CPQ: variants seen among roughly 807,000 people sequenced by gnomAD.
The protein encoded by CPQ is carboxypeptidase Q.
CPQ carries 37 observed loss-of-function variants against 45.7 expected under a neutral mutation model. That is an observed-to-expected ratio of 0.81 (90% CI 0.62 to 1.07). CPQ has a LOEUF of 1.07. Among genes scored for constraint, CPQ ranks in the 50% least tolerant of loss-of-function variants. CPQ has a pLI of 0.00. For missense variants in CPQ, 537 were observed against 572.9 expected (o/e 0.94, Z 0.64); for synonymous variants, 186 against 205.8 (o/e 0.90, Z 0.82).
chr8:97,130,420 GTTTTTTTTTT>G (rs67911510), intron 7 of CPQ, among the ~76,000 whole-genome samples: 1 of 125,346 alleles, frequency 8.0e-6, no homozygotes, highest in African/African-American at 2.9e-5. Context: ...ATCGTCAGCT[GTTTTTTTTTT>G]TTTTTTTTTT....
At chr8:97,042,491 T>G (rs1810146940) in intron 6 of CPQ, among the ~76,000 whole-genome samples, 1 of 152,208 alleles carries the variant, frequency 6.6e-6, no homozygotes, top group African/African-American at 2.4e-5. Flanking sequence ...TTCCTTCAGT[T>G]CTCCTCCGAT....
chr8:96,786,438 T>G (rs967415863), intron 2 of CPQ, among the ~76,000 whole-genome samples: 1 of 152,186 alleles, frequency 6.6e-6, no homozygotes, highest in African/African-American at 2.4e-5. Context: ...TGATGGACAT[T>G]GAGATTGTTT....
intron 2 of CPQ, 147 bp from the exon 3 acceptor site, chr8:96,834,826 T>C (rs1811505236): frequency 1.7e-6 from 1 of 586,820 alleles, no homozygotes; most frequent in Admixed American, 3.7e-5. Flanking sequence ...ACAGTCCTTT[T>C]CCCATGGTAA....
At chr8:96,966,074 T>C in intron 5 of CPQ, 28 bp downstream of exon 5, 2 of 1,482,344 alleles carry the variant, frequency 1.3e-6, no homozygotes, top group Non-Finnish European at 1.9e-6. Flanking sequence ...TGTTAACTAA[T>C]GTGTGAGGAT....
intron 1 of CPQ, among the ~76,000 whole-genome samples, chr8:96,675,713 A>G (rs1809068942): frequency 6.6e-6 from 1 of 151,940 alleles, no homozygotes; most frequent in Non-Finnish European, 1.5e-5. Flanking sequence ...TATATCAAAA[A>G]CTTAGTAATG....
chr8:96,899,734 C>T (rs2094836549), intron 4 of CPQ, among the ~76,000 whole-genome samples: 1 of 145,228 alleles, frequency 6.9e-6, no homozygotes, highest in Non-Finnish European at 1.6e-5. Context: ...CACCAGGCCC[C>T]ACCTCCAGCA....
chr8:96,790,902 G>A (rs1810837668), intron 2 of CPQ, among the ~76,000 whole-genome samples: 1 of 152,148 alleles, frequency 6.6e-6, no homozygotes, highest in Non-Finnish European at 1.5e-5. Context: ...GAATCACTGG[G>A]ATAGCCAGTT....
chr8:96,657,212 G>A (rs1170607421), intron 1 of CPQ, among the ~76,000 whole-genome samples: 1 of 152,072 alleles, frequency 6.6e-6, no homozygotes, highest in Non-Finnish European at 1.5e-5. Flanking sequence ...GGACGTGGTG[G>A]TGTGCGTCTG....
chr8:96,954,379 G>A (rs1004638154), intron 4 of CPQ, among the ~76,000 whole-genome samples: 3 of 151,804 alleles, frequency 2.0e-5, no homozygotes, highest in African/African-American at 4.8e-5. Context: ...AATAATTAGG[G>A]GGACAGGGAC....
At chr8:96,746,567 AC>A (rs1411063847) in intron 1 of CPQ, among the ~76,000 whole-genome samples, 2 of 152,090 alleles carry the variant, frequency 1.3e-5, no homozygotes, top group Non-Finnish European at 2.9e-5. Context: ...CCATCAAGTA[AC>A]CATTTCGCCT....
At chr8:96,807,203 G>A (rs867302992) in intron 2 of CPQ, among the ~76,000 whole-genome samples, 4 of 151,874 alleles carry the variant, frequency 2.6e-5, no homozygotes, top group Middle Eastern at 6.8e-3. Context: ...CCTTGTTCCT[G>A]TGGCCAGAGA....
chr8:97,142,049 T>C (rs1812174683), intron 7 of CPQ, among the ~76,000 whole-genome samples: 1 of 152,156 alleles, frequency 6.6e-6, no homozygotes, highest in Admixed American at 6.5e-5. Context: ...AGATCTGCAG[T>C]GGGCAGGGGT....
chr8:96,804,939 T>C (rs1811060199), intron 2 of CPQ, among the ~76,000 whole-genome samples: 1 of 152,202 alleles, frequency 6.6e-6, no homozygotes, highest in South Asian at 2.1e-4. Context: ...TGGTTTGGTT[T>C]TGTCCCTTAG....
intron 5 of CPQ, among the ~76,000 whole-genome samples, chr8:96,973,104 A>G (rs1479851126): frequency 6.6e-6 from 1 of 152,184 alleles, no homozygotes; most frequent in Admixed American, 6.5e-5. Flanking sequence ...CACCAGAGAA[A>G]GGTGAAGTCC....
chr8:97,088,779 T>C (rs1811079613), intron 7 of CPQ, among the ~76,000 whole-genome samples: 1 of 152,188 alleles, frequency 6.6e-6, no homozygotes. Flanking sequence ...AGTGTAGCAT[T>C]ATTTTTCATC....
intron 3 of CPQ, among the ~76,000 whole-genome samples, chr8:96,869,196 T>C (rs1429933740): frequency 1.3e-5 from 2 of 152,144 alleles, no homozygotes; most frequent in Non-Finnish European, 2.9e-5. Flanking sequence ...TTTGGCTGTT[T>C]TCAAAAGTTA....
At chr8:96,819,281 A>G (rs151323558) in intron 2 of CPQ, among the ~76,000 whole-genome samples, 40 of 152,276 alleles carry the variant, frequency 2.6e-4, no homozygotes, top group African/African-American at 8.9e-4. Flanking sequence ...TTATTTCTCA[A>G]CATAAGCTCC....
intron 5 of CPQ, among the ~76,000 whole-genome samples, chr8:97,017,182 A>G (rs1285506019): frequency 2.0e-5 from 3 of 152,168 alleles, no homozygotes; most frequent in Non-Finnish European, 4.4e-5. Flanking sequence ...GAAGATTCCG[A>G]CCTTACATGC....
At chr8:96,929,361 A>G (rs1199747152) in intron 4 of CPQ, among the ~76,000 whole-genome samples, 1 of 152,190 alleles carries the variant, frequency 6.6e-6, no homozygotes, top group Admixed American at 6.5e-5. Flanking sequence ...CTCTGTTTGA[A>G]TGTGTATTTT....
Sources: gnomAD v4.1 joint callset for allele counts (sites outside exome capture counted in the v4.1 genomes callset) on GRCh38, gnomAD v4.1.1 for gene constraint, MANE v1.5 for transcripts, NCBI Gene and HGNC (gene_info 2026-07-23, HGNC 2026-07-21) for gene names.